HACD1: variants seen among roughly 807,000 people sequenced by gnomAD.
The protein encoded by HACD1 is very-long-chain (3R)-3-hydroxyacyl-CoA dehydratase 1.
HACD1 carries 41 observed loss-of-function variants against 32.0 expected under a neutral mutation model. The ratio of observed to expected loss-of-function variants is 1.28; its 90% confidence interval spans 1.00 to 1.66. The LOEUF is 1.66. Among genes scored for constraint, HACD1 ranks in the 40% most tolerant of loss-of-function variants. The pLI, the probability that HACD1 is intolerant of heterozygous loss-of-function variation, is 0.00. For synonymous variants in HACD1, 142 were observed against 139.0 expected, an observed-to-expected ratio of 1.02 and a Z score of -0.15; for missense variants, 396 against 380.1, an observed-to-expected ratio of 1.04 and a Z score of -0.35.
intron 4 of HACD1, among the ~76,000 whole-genome samples, chr10:17,601,131 T>A (rs1834064404): frequency 6.6e-6 from 1 of 152,032 alleles, no homozygotes; most frequent in Admixed American, 6.6e-5. Context: ...CCTCTTGGGT[T>A]CAAGTGATTC....
intron 4 of HACD1, chr10:17,602,807 C>CA (rs2131511983): frequency 6.6e-6 from 1 of 152,248 alleles, no homozygotes; most frequent in African/African-American, 2.4e-5. Flanking sequence ...TTCTAACTTT[C>CA]AGTCTTTTCC....
At position 17,594,408 on chromosome 10, in the gene HACD1, A is replaced by G. The variant is rs368256523; in HGVS notation, c.606-25T>C. The G allele has an allele frequency of 5.6e-6, 8 of 1,426,416 alleles. 1 individual carries two copies. The East Asian group carries it at 7.1e-5, about 13-fold the overall frequency. 88.4% of individuals were successfully genotyped at this position (1,426,416 alleles called of 1,614,324 possible). A position where few individuals can be genotyped will look rare whatever the true frequency, so the allele number is the denominator to read the frequency against. Reference sequence around the variant, plus strand: ...TCTGGAGAAAGAAAAACCTCAGAGAATTATTTTTCTACAATAATTATTAGA... The same window carrying G: ...TCTGGAGAAAGAAAAACCTCAGAGAGTTATTTTTCTACAATAATTATTAGA... On this transcript the variant is annotated intron_variant, in intron 5 of 6. Transcript: ENST00000361271.
intron 5 of HACD1, chr10:17,598,950 A>C (rs1392034856): frequency 7.4e-5 from 8 of 108,790 alleles, no homozygotes; most frequent in Non-Finnish European, 1.1e-4. Context: ...CATCACAGAC[A>C]AAAAAAAAAC....
chr10:17,612,035 G>A (rs1588994709), intron 1 of HACD1, among the ~76,000 whole-genome samples: 1 of 149,992 alleles, frequency 6.7e-6, no homozygotes, highest in Non-Finnish European at 1.5e-5. Flanking sequence ...CTACTCATGA[G>A]GCTAATGCAG....
intron 6 of HACD1, among the ~76,000 whole-genome samples, chr10:17,592,329 T>C (rs1554815646): frequency 6.6e-6 from 1 of 152,078 alleles, no homozygotes; most frequent in Non-Finnish European, 1.5e-5. Flanking sequence ...TTCATCTTAA[T>C]GTAAATGAGA....
intron 1 of HACD1, among the ~76,000 whole-genome samples, chr10:17,612,915 C>T (rs1833010156): frequency 1.7e-5 from 2 of 117,070 alleles, no homozygotes; most frequent in African/African-American, 7.3e-5. Flanking sequence ...AGCAAGACTC[C>T]GTCTCAAAAA....
chr10:17,598,278 A>AAG (rs1554816169), intron 5 of HACD1, among the ~76,000 whole-genome samples: 31 of 146,476 alleles, frequency 2.1e-4, no homozygotes, highest in Non-Finnish European at 3.0e-4. Context: ...AAAAAAAAAA[A>AAG]AGAGAAAAAA....
intron 1 of HACD1, among the ~76,000 whole-genome samples, chr10:17,615,073 A>T (rs1554817876): frequency 6.6e-6 from 1 of 152,202 alleles, no homozygotes; most frequent in African/African-American, 2.4e-5. Flanking sequence ...TATTAACCAG[A>T]CTATCACAGA....
At chr10:17,599,090 T>C in intron 5 of HACD1, 200 bp downstream of exon 5, 1 of 996,958 alleles carries the variant, frequency 1.0e-6, no homozygotes, top group Non-Finnish European at 1.3e-6. Flanking sequence ...TCAAAATATT[T>C]ATTAATACGA....
intron 1 of HACD1, among the ~76,000 whole-genome samples, chr10:17,615,118 A>G (rs1833055513): frequency 6.6e-6 from 1 of 152,254 alleles, no homozygotes; most frequent in Non-Finnish European, 1.5e-5. Flanking sequence ...AATGCATTTA[A>G]AGGCAGCATC....
chr10:17,612,501 C>A (rs1832999529), intron 1 of HACD1, among the ~76,000 whole-genome samples: 1 of 151,996 alleles, frequency 6.6e-6, no homozygotes, highest in Non-Finnish European at 1.5e-5. Context: ...ATATATTGTA[C>A]AATCATATGA....
intron 4 of HACD1, among the ~76,000 whole-genome samples, chr10:17,600,010 G>T (rs1203828107): frequency 6.6e-6 from 1 of 152,158 alleles, no homozygotes; most frequent in Non-Finnish European, 1.5e-5. Flanking sequence ...AAAAGGATGA[G>T]CCCTAATACC....
At chr10:17,605,095 A>T (rs1335306881) in intron 1 of HACD1, among the ~76,000 whole-genome samples, 1 of 152,180 alleles carries the variant, frequency 6.6e-6, no homozygotes, top group African/African-American at 2.4e-5. Flanking sequence ...GGCTGGGGAC[A>T]GATGGGGCAA....
intron 1 of HACD1, among the ~76,000 whole-genome samples, chr10:17,612,586 A>G (rs4237347): frequency 0.65 from 98,312 of 152,042 alleles, 32,426 homozygotes; most frequent in African/African-American, 0.78. Context: ...AATTAAGATG[A>G]CCAGGTAAGG....
At chr10:17,616,225 C>A (rs772500418) in intron 1 of HACD1, among the ~76,000 whole-genome samples, 18 of 86,136 alleles carry the variant, frequency 2.1e-4, no homozygotes, top group Non-Finnish European at 3.2e-4. Flanking sequence ...GCCGAGATCC[C>A]GCCACTGCAC....
In HACD1 at chr10:17,603,420, A is replaced by C. The variant is rs1291369856; in HGVS notation, c.483+140T>G. The stretch of plus-strand genomic sequence containing the variant: ...TTCTGCTAAGGCACTAAGTCAATGC[A>C]CAACATCTAAAACTCAAACCCAACT... On this transcript the variant is annotated intron_variant, in intron 4 of 6. Transcript: ENST00000361271. 7 of 734,052 alleles carry C rather than the reference A, an allele frequency of 9.5e-6. No homozygotes were observed. In the East Asian group the frequency reaches 1.9e-4, roughly 20 times the overall value. The allele number at this position is 734,052 out of a possible 1,614,324, so 45.5% of individuals were successfully genotyped here.
chr10:17,613,142 G>GTT (rs782364702), intron 1 of HACD1, among the ~76,000 whole-genome samples: 15 of 96,650 alleles, frequency 1.6e-4, no homozygotes, highest in African/African-American at 5.4e-4. Flanking sequence ...GTGTGTGTGT[G>GTT]TGTGTTTTGT....
At chr10:17,596,626 C>G (rs782306168) in intron 5 of HACD1, among the ~76,000 whole-genome samples, 1 of 151,630 alleles carries the variant, frequency 6.6e-6, no homozygotes, top group Non-Finnish European at 1.5e-5. Context: ...ACTTGCACTT[C>G]AAAAAGATTG....
chr10:17,609,279 T>C (rs1037730213), intron 1 of HACD1, among the ~76,000 whole-genome samples: 6 of 151,320 alleles, frequency 4.0e-5, no homozygotes, highest in Admixed American at 4.0e-4. Flanking sequence ...TCAGCCTCCG[T>C]AGTAGCTGAG....
Sources: gnomAD v4.1 joint callset for allele counts (sites outside exome capture counted in the v4.1 genomes callset) on GRCh38, gnomAD v4.1.1 for gene constraint, MANE v1.5 for transcripts, NCBI Gene and HGNC (gene_info 2026-07-23, HGNC 2026-07-21) for gene names.